The following RNF125 variants were observed in gnomAD, a reference collection of about 807,000 sequenced individuals.
RNF125 encodes the protein E3 ubiquitin-protein ligase RNF125.
A neutral mutation model predicts 26.0 loss-of-function variants in RNF125; 21 were observed. The ratio of observed to expected loss-of-function variants is 0.81; its 90% confidence interval spans 0.57 to 1.16. RNF125 has a LOEUF of 1.16. Among genes scored for constraint, RNF125 ranks in the 50% most tolerant of loss-of-function variants. The pLI, the probability that RNF125 is intolerant of heterozygous loss-of-function variation, is 0.00. For missense variants in RNF125, 270 were observed against 299.4 expected, an observed-to-expected ratio of 0.90 and a Z score of 0.72; for synonymous variants, 95 against 109.2, an observed-to-expected ratio of 0.87 and a Z score of 0.81.
chr18:32,030,738 C>T (rs1398774922), intron 1 of RNF125, among the ~76,000 whole-genome samples: 1 of 152,220 alleles, frequency 6.6e-6, no homozygotes, highest in Admixed American at 6.5e-5. Flanking sequence ...ATCTTTTCAG[C>T]TCACAGTTCT....
chr18:32,044,853 G>T (rs1330121527), intron 3 of RNF125, among the ~76,000 whole-genome samples: 2 of 151,376 alleles, frequency 1.3e-5, no homozygotes, highest in African/African-American at 4.9e-5. Context: ...GGGCGAGGTG[G>T]CTCACACCCG....
At chr18:32,024,201 T>C (rs2039011755) in intron 1 of RNF125, among the ~76,000 whole-genome samples, 1 of 93,738 alleles carries the variant, frequency 1.1e-5, no homozygotes, top group South Asian at 3.3e-4. Context: ...TCTTTTTTTT[T>C]TTTTTTTCTT....
At chr18:32,075,852 G>A (rs1218681987), downstream of RNF125, 7 of 804,168 alleles carry the variant, frequency 8.7e-6, no homozygotes, top group Middle Eastern at 3.6e-4. Context: ...GTATGTCCAC[G>A]AGTCATTTTA....
intron 5 of RNF125, among the ~76,000 whole-genome samples, chr18:32,067,107 G>C (rs950910833): frequency 1.3e-5 from 2 of 152,174 alleles, no homozygotes; most frequent in African/African-American, 4.8e-5. Context: ...AAGAAAATTA[G>C]TTGGGCATGG....
chr18:32,020,002 CTG>C (rs149126113), intron 1 of RNF125, among the ~76,000 whole-genome samples: 113 of 149,920 alleles, frequency 7.5e-4, no homozygotes, highest in Admixed American at 1.9e-3. Context: ...TCTCTGTTTA[CTG>C]TGTGTGTGTG....
At chr18:32,061,709 C>T (rs909407993) in intron 4 of RNF125, among the ~76,000 whole-genome samples, 36 of 152,230 alleles carry the variant, frequency 2.4e-4, no homozygotes, top group Admixed American at 2.3e-3. Context: ...TTTCCGAACC[C>T]TTGGGCAAAA....
chr18:32,043,155 A>T (rs2039236693), intron 3 of RNF125, among the ~76,000 whole-genome samples: 1 of 152,112 alleles, frequency 6.6e-6, no homozygotes, highest in African/African-American at 2.4e-5. Context: ...TCTCAAAAAA[A>T]AAAGAAACAC....
chr18:32,024,392 C>T (rs1413723765), intron 1 of RNF125, among the ~76,000 whole-genome samples: 3 of 151,810 alleles, frequency 2.0e-5, no homozygotes, highest in Non-Finnish European at 4.4e-5. Context: ...TCTCCAAGAA[C>T]ATATCTTGCT....
At chr18:32,042,601 T>G (rs796344220) in intron 3 of RNF125, among the ~76,000 whole-genome samples, 7 of 152,236 alleles carry the variant, frequency 4.6e-5, no homozygotes, top group African/African-American at 1.7e-4. Flanking sequence ...AATAGATTCC[T>G]GAAGTAGATT....
intron 5 of RNF125, among the ~76,000 whole-genome samples, chr18:32,067,855 T>G (rs1265100549): frequency 1.3e-5 from 2 of 152,226 alleles, no homozygotes; most frequent in Non-Finnish European, 2.9e-5. Flanking sequence ...AATTCCACTT[T>G]GACACATAGG....
intron 4 of RNF125, among the ~76,000 whole-genome samples, chr18:32,057,427 C>T (rs1274505285): frequency 6.6e-6 from 1 of 151,656 alleles, no homozygotes; most frequent in Admixed American, 6.6e-5. Context: ...CTCTGCCTCC[C>T]GGGTTTAAGC....
intron 1 of RNF125, among the ~76,000 whole-genome samples, chr18:32,033,137 G>C (rs2039115529): frequency 6.6e-6 from 1 of 152,208 alleles, no homozygotes; most frequent in Non-Finnish European, 1.5e-5. Context: ...TTGGGGGCCA[G>C]TCCCCAACAG....
At chr18:32,090,026 G>A in the RNF125 span, among the ~76,000 whole-genome samples, 69 of 152,292 alleles carry the variant, frequency 4.5e-4, 1 homozygote, top group East Asian at 6.8e-3. Context: ...TGGGCGGATC[G>A]CTGGAGGCCA....
chr18:32,089,697 A>G, the RNF125 span, among the ~76,000 whole-genome samples: 1 of 152,182 alleles, frequency 6.6e-6, no homozygotes, highest in Non-Finnish European at 1.5e-5. Flanking sequence ...CTGGATTTCC[A>G]CATATTGCCA....
chr18:32,047,327 G>A (rs994505237), intron 4 of RNF125, among the ~76,000 whole-genome samples: 4 of 152,166 alleles, frequency 2.6e-5, no homozygotes, highest in Admixed American at 6.5e-5. Flanking sequence ...GTGAGCCACC[G>A]CGCCTGGCCT....
chr18:32,074,489 T>G (rs1187970486), downstream of RNF125, among the ~76,000 whole-genome samples: 1 of 152,202 alleles, frequency 6.6e-6, no homozygotes, highest in Non-Finnish European at 1.5e-5. Flanking sequence ...AAAATGAGAC[T>G]AGCTTTCTAA....
intron 4 of RNF125, 79 bp from the exon 5 acceptor site, chr18:32,065,823 G>C: frequency 9.9e-7 from 1 of 1,012,028 alleles, no homozygotes; most frequent in Non-Finnish European, 1.5e-6. Context: ...AAGCCACCGC[G>C]CCCAGCCGTT....
At chr18:32,058,045 T>C (rs1416005131) in intron 4 of RNF125, among the ~76,000 whole-genome samples, 1 of 150,500 alleles carries the variant, frequency 6.6e-6, no homozygotes, top group Non-Finnish European at 1.5e-5. Context: ...AGTGGGAGGG[T>C]TACTTAAAGC....
the RNF125 span, among the ~76,000 whole-genome samples, chr18:32,087,943 C>G: frequency 6.6e-6 from 1 of 152,302 alleles, no homozygotes; most frequent in East Asian, 1.9e-4. Context: ...CCCAAGACCA[C>G]ACTTCCATCC....
Sources: allele counts gnomAD v4.1 joint callset (sites outside exome capture counted in the v4.1 genomes callset), GRCh38; gene constraint gnomAD v4.1.1; transcripts MANE v1.5; gene names NCBI Gene and HGNC (gene_info 2026-07-23, HGNC 2026-07-21).